DLGAP2: variants seen among roughly 807,000 people sequenced by gnomAD.
The protein encoded by DLGAP2 is disks large-associated protein 2.
DLGAP2 carries 26 observed loss-of-function variants against 100.3 expected under a neutral mutation model. That is an observed-to-expected ratio of 0.26 (90% CI 0.19 to 0.36). The LOEUF is 0.36. DLGAP2 is among the 10% of genes least tolerant of loss of function. The pLI, the probability that DLGAP2 is intolerant of heterozygous loss-of-function variation, is 1.00. For missense variants in DLGAP2, 1,858 were observed against 1,453.2 expected, an observed-to-expected ratio of 1.28 and a Z score of -4.53; for synonymous variants, 886 against 630.1, an observed-to-expected ratio of 1.41 and a Z score of -6.08.
intron 1 of DLGAP2, among the ~76,000 whole-genome samples, chr8:782,180 A>G (rs1010849453): frequency 2.6e-5 from 4 of 152,130 alleles, no homozygotes; most frequent in Non-Finnish European, 4.4e-5. Context: ...CCTCCCAGAT[A>G]TGCACATTTA....
intron 6 of DLGAP2, among the ~76,000 whole-genome samples, chr8:1,569,825 T>C (rs894583858): frequency 6.7e-6 from 1 of 149,732 alleles, no homozygotes; most frequent in African/African-American, 2.5e-5. Context: ...ATCTTCACCC[T>C]GTGGCACTGT....
chr8:1,679,628 T>G (rs1313565938), intron 12 of DLGAP2, among the ~76,000 whole-genome samples: 1 of 152,210 alleles, frequency 6.6e-6, no homozygotes, highest in African/African-American at 2.4e-5. Flanking sequence ...CTTCTCCACA[T>G]GGAAGGGGAC....
intron 2 of DLGAP2, among the ~76,000 whole-genome samples, chr8:1,162,821 G>A (rs758972747): frequency 2.0e-5 from 3 of 152,324 alleles, no homozygotes; most frequent in Admixed American, 6.5e-5. Flanking sequence ...TTCTGATCTC[G>A]GGAGGTCCCC....
intron 1 of DLGAP2, among the ~76,000 whole-genome samples, chr8:826,918 C>G (rs745732159): frequency 6.6e-6 from 1 of 152,176 alleles, no homozygotes; most frequent in Non-Finnish European, 1.5e-5. Context: ...GTAGAAACAT[C>G]CAGTCTTTCC....
intron 3 of DLGAP2, among the ~76,000 whole-genome samples, chr8:1,325,637 C>T (rs1396383188): frequency 6.6e-6 from 1 of 152,218 alleles, no homozygotes; most frequent in African/African-American, 2.4e-5. Context: ...CCTACAGGGC[C>T]TGAACGGAGC....
intron 10 of DLGAP2, among the ~76,000 whole-genome samples, 176 bp from the exon 11 acceptor site, chr8:1,676,357 T>C (rs1798810889): frequency 6.6e-6 from 1 of 152,206 alleles, no homozygotes; most frequent in Non-Finnish European, 1.5e-5. Context: ...AGGAGTGATG[T>C]AATTACTCCA....
intron 4 of DLGAP2, among the ~76,000 whole-genome samples, chr8:1,525,158 C>T (rs891231458): frequency 6.8e-6 from 1 of 147,264 alleles, no homozygotes; most frequent in Non-Finnish European, 1.5e-5. Flanking sequence ...AACTTCAAAG[C>T]AATTCACCGG....
At chr8:1,122,345 C>G (rs1796068491) in intron 2 of DLGAP2, among the ~76,000 whole-genome samples, 1 of 152,148 alleles carries the variant, frequency 6.6e-6, no homozygotes, top group South Asian at 2.1e-4. Context: ...ACTGGTGACA[C>G]ATGAGATTCT....
At chr8:1,577,753 C>T (rs1005920812) in intron 6 of DLGAP2, among the ~76,000 whole-genome samples, 2 of 152,044 alleles carry the variant, frequency 1.3e-5, no homozygotes, top group Non-Finnish European at 2.9e-5. Flanking sequence ...CTGCAGGACC[C>T]AGGAAGGAGC....
intron 6 of DLGAP2, among the ~76,000 whole-genome samples, chr8:1,604,214 A>G (rs770015365): frequency 6.6e-6 from 1 of 152,200 alleles, no homozygotes; most frequent in Non-Finnish European, 1.5e-5. Flanking sequence ...ACTGCGGGAG[A>G]AGGGACCTTG....
intron 2 of DLGAP2, among the ~76,000 whole-genome samples, chr8:1,039,309 G>T (rs1396494804): frequency 6.8e-6 from 1 of 147,612 alleles, no homozygotes; most frequent in African/African-American, 2.6e-5. Context: ...TCCATGGTCA[G>T]CTCGGTGTGC....
chr8:1,481,478 T>TTC (rs1554480830), intron 3 of DLGAP2, among the ~76,000 whole-genome samples: 101 of 131,348 alleles, frequency 7.7e-4, no homozygotes, highest in Admixed American at 2.5e-3. Context: ...TTTCTTTTTT[T>TTC]TTTTTTTTTT....
At chr8:1,314,081 A>G (rs1481114567) in intron 3 of DLGAP2, among the ~76,000 whole-genome samples, 1 of 152,254 alleles carries the variant, frequency 6.6e-6, no homozygotes, top group African/African-American at 2.4e-5. Flanking sequence ...TAAATGAGTT[A>G]CTGCTGACTT....
chr8:1,625,339 G>A (rs962510326), intron 6 of DLGAP2, among the ~76,000 whole-genome samples: 1 of 152,208 alleles, frequency 6.6e-6, no homozygotes, highest in Non-Finnish European at 1.5e-5. Context: ...CTGGAAAGTG[G>A]TCCAGTTAGC....
At chr8:1,480,780 C>A (rs1050660125) in intron 3 of DLGAP2, among the ~76,000 whole-genome samples, 42 of 147,318 alleles carry the variant, frequency 2.9e-4, no homozygotes, top group African/African-American at 9.8e-4. Context: ...GCAGGAGAAT[C>A]GCTTGAACCC....
At chr8:1,255,090 C>T (rs563310628) in intron 2 of DLGAP2, among the ~76,000 whole-genome samples, 9 of 135,830 alleles carry the variant, frequency 6.6e-5, no homozygotes, top group Non-Finnish European at 1.2e-4. Flanking sequence ...TGTGTGTCCT[C>T]TCATCCTGCC....
In DLGAP2 at chr8:1,067,951, G is replaced by C. The variant is rs185809205; in HGVS notation, c.73+159985G>C. The stretch of plus-strand genomic sequence containing the variant: ...CTGTCCTAAAAATCCCCTCTGCTCC[G>C]CCCACTCCTCCCTCCCTCCTCATGA... On this transcript the variant is annotated intron_variant, in intron 2 of 14. Coordinates refer to ENST00000637795, the MANE Select transcript of DLGAP2 (RefSeq NM_001346810.2). Among the ~76,000 whole-genome samples, 367 of 152,068 alleles carry C rather than the reference G, an allele frequency of 2.4e-3. 1 individual carries two copies. The highest frequency in any genetic ancestry group is 8.3e-3 in the African/African-American group (343 of 41,452).
chr8:1,557,039 G>C (rs1431941285), intron 5 of DLGAP2, among the ~76,000 whole-genome samples: 1 of 151,760 alleles, frequency 6.6e-6, no homozygotes, highest in Non-Finnish European at 1.5e-5. Context: ...CAGCACGGGG[G>C]TGGGGGCTGG....
At chr8:1,471,580 C>T (rs1487240135) in intron 3 of DLGAP2, among the ~76,000 whole-genome samples, 1 of 151,446 alleles carries the variant, frequency 6.6e-6, no homozygotes, top group Non-Finnish European at 1.5e-5. Flanking sequence ...CCTCCCCAGC[C>T]TCCCTCCTAA....
Sources: allele counts gnomAD v4.1 joint callset (sites outside exome capture counted in the v4.1 genomes callset), GRCh38; gene constraint gnomAD v4.1.1; transcripts MANE v1.5; gene names NCBI Gene and HGNC (gene_info 2026-07-23, HGNC 2026-07-21).